The following PDE8A variants were observed in gnomAD, a reference collection of about 807,000 sequenced individuals.
The protein encoded by PDE8A is phosphodiesterase 8A, also known as high affinity cAMP-specific and IBMX-insensitive 3',5'-cyclic phosphodiesterase 8A.
In PDE8A, 59 loss-of-function variants were observed where a neutral mutation model predicts 105.0. That is an observed-to-expected ratio of 0.56 (90% CI 0.46 to 0.70). The LOEUF (loss-of-function observed/expected upper bound fraction) is 0.70, where lower values mean the gene tolerates loss of function less well. PDE8A is among the 30% of genes least tolerant of loss of function. The probability of loss-of-function intolerance (pLI) is 0.00; values close to 1 mark genes in which losing one functional copy is unlikely to be tolerated. For missense variants in PDE8A, 1,014 were observed against 1,045.9 expected, an observed-to-expected ratio of 0.97 and a Z score of 0.42; for synonymous variants, 355 against 371.9, an observed-to-expected ratio of 0.95 and a Z score of 0.52.
intron 20 of PDE8A, among the ~76,000 whole-genome samples, chr15:85,131,123 A>T (rs2082324693): frequency 1.3e-5 from 2 of 152,136 alleles, no homozygotes; most frequent in Admixed American, 6.6e-5. Flanking sequence ...TCTCTTGGAT[A>T]TTATTTTCAT....
intron 17 of PDE8A, among the ~76,000 whole-genome samples, chr15:85,119,832 C>G (rs1176141978): frequency 6.6e-6 from 1 of 151,688 alleles, no homozygotes; most frequent in Non-Finnish European, 1.5e-5. Context: ...AAATGAGAAG[C>G]TTATCTGTCA....
rs138654324 is a variant in PDE8A, at chr15:85,067,060, G to T, written c.290G>T (p.Cys97Phe). The change falls in exon 3 of 22, where the codon TGC becomes TTC. Residue 97 changes from cysteine to phenylalanine, a missense_variant. By Grantham distance (205) the Cys-to-Phe change is radical (BLOSUM62 -2). Transcript: ENST00000394553. Reference protein sequence around the residue: ...TKEDNQCNGFCRACEKAGFKC... With the variant: ...TKEDNQCNGFFRACEKAGFKC... ...GAAGATAACCAATGTAATGGATTCTGCAGGGCATGTGAAAAAGCAGGGTTT... is the reference window on the plus strand; with the variant it reads ...GAAGATAACCAATGTAATGGATTCTTCAGGGCATGTGAAAAAGCAGGGTTT... 1.8e-5 allele frequency: 29 copies of T among 1,613,376 alleles called. No individual in the cohort carries two copies. The African/African-American group carries it at 3.5e-4, about 19-fold the overall frequency.
intron 6 of PDE8A, among the ~76,000 whole-genome samples, chr15:85,085,752 A>C (rs1044120055): frequency 1.3e-5 from 2 of 151,178 alleles, no homozygotes; most frequent in African/African-American, 4.9e-5. Flanking sequence ...TCACGCCTGT[A>C]ATCTCTGCAC....
chr15:85,043,099 T>TGC (rs2080835612), intron 1 of PDE8A, among the ~76,000 whole-genome samples: 1 of 124,682 alleles, frequency 8.0e-6, no homozygotes, highest in African/African-American at 3.0e-5. Flanking sequence ...AGGCTCTCTG[T>TGC]CTGAATATAC....
At chr15:85,122,788 C>T (rs2082201802) in intron 18 of PDE8A, among the ~76,000 whole-genome samples, 1 of 152,158 alleles carries the variant, frequency 6.6e-6, no homozygotes, top group South Asian at 2.1e-4. Flanking sequence ...TCTTTCTAAC[C>T]ACAGATTTCT....
intron 1 of PDE8A, among the ~76,000 whole-genome samples, chr15:85,035,910 T>A (rs2080698757): frequency 6.6e-6 from 1 of 152,216 alleles, no homozygotes; most frequent in Non-Finnish European, 1.5e-5. Flanking sequence ...TGTGCATATG[T>A]AACAGACAAT....
Position 85,123,147 on chromosome 15 carries a change from T to G in PDE8A, c.2039T>G (p.Phe680Cys). The G allele has an allele frequency of 6.2e-7, 1 of 1,614,006 alleles. No homozygotes were observed. Among genetic ancestry groups the G allele is most frequent in the Non-Finnish European group, 8.5e-7 (1 of 1,179,960 alleles). ...MTKHFEHVNK[F>C]VNSINKPLAT... ...AAGCACTTTGAGCATGTCAACAAAT[T>G]TGTCAACAGCATCAACAAACCCTTG... is the stretch of plus-strand genomic sequence containing the variant. The change falls in exon 19 of 22, where the codon TTT becomes TGT. Residue 680 changes from phenylalanine to cysteine, a missense_variant. Transcript: ENST00000394553.
At chr15:85,030,541 T>A (rs2080597063) in intron 1 of PDE8A, among the ~76,000 whole-genome samples, 1 of 152,316 alleles carries the variant, frequency 6.6e-6, no homozygotes, top group South Asian at 2.1e-4. Flanking sequence ...GGCACTTAAG[T>A]GCTTGCCTGG....
chr15:85,099,814 A>G (rs1486136107), intron 9 of PDE8A: 4 of 531,170 alleles, frequency 7.5e-6, no homozygotes, highest in Non-Finnish European at 1.3e-5. Context: ...TTTTTACTGA[A>G]GTCACTTGTA....
chr15:85,065,907 C>T (rs1460564995), intron 2 of PDE8A, among the ~76,000 whole-genome samples: 3 of 152,252 alleles, frequency 2.0e-5, no homozygotes, highest in Non-Finnish European at 4.4e-5. Context: ...CAGCCAGCCA[C>T]TGTCCTGGGC....
intron 8 of PDE8A, among the ~76,000 whole-genome samples, chr15:85,094,628 C>T (rs977718242): frequency 7.9e-5 from 12 of 152,218 alleles, no homozygotes; most frequent in African/African-American, 2.9e-4. Context: ...CATGGACCTA[C>T]CTCACAGTTG....
At chr15:84,995,930 T>G (rs1236164746) in intron 1 of PDE8A, among the ~76,000 whole-genome samples, 37 of 152,214 alleles carry the variant, frequency 2.4e-4, no homozygotes, top group Non-Finnish European at 2.2e-4. Flanking sequence ...ATTGGTATTT[T>G]AGTTTAAACT....
intron 1 of PDE8A, among the ~76,000 whole-genome samples, chr15:85,036,271 T>C (rs1330755971): frequency 2.0e-5 from 3 of 152,176 alleles, no homozygotes; most frequent in Non-Finnish European, 4.4e-5. Context: ...TACTCTATTC[T>C]ACATCAATTC....
intron 5 of PDE8A, among the ~76,000 whole-genome samples, chr15:85,078,673 T>C (rs970919883): frequency 2.6e-5 from 4 of 151,828 alleles, no homozygotes; most frequent in African/African-American, 9.7e-5. Context: ...ATTGAGAGAA[T>C]TTGTAACTAG....
intron 1 of PDE8A, among the ~76,000 whole-genome samples, chr15:85,047,968 A>G (rs989310001): frequency 1.3e-4 from 20 of 152,150 alleles, no homozygotes; most frequent in Admixed American, 9.8e-4. Context: ...GATTTTCTCA[A>G]ACTTAATGAT....
At chr15:85,112,485 G>C (rs918220881) in intron 12 of PDE8A, among the ~76,000 whole-genome samples, 1 of 152,162 alleles carries the variant, frequency 6.6e-6, no homozygotes, top group African/African-American at 2.4e-5. Flanking sequence ...TAATGACCTT[G>C]TTGGGTAAAA....
In PDE8A at chr15:85,104,904, TTCA is replaced by T. The variant is rs2081925229; in HGVS notation, c.1037-4144_1037-4142del. On this transcript the variant is annotated intron_variant, in intron 11 of 21. Coordinates refer to ENST00000394553, the MANE Select transcript of PDE8A (RefSeq NM_002605.3). Reference sequence around the variant, plus strand: ...CTGAGGAGCAGGATGAATTCATTCATTCATCATTCATCCAAACTCAGTGCAGTT... The same window carrying T: ...CTGAGGAGCAGGATGAATTCATTCATTCATTCATCCAAACTCAGTGCAGTT... 7.9e-5 allele frequency among the ~76,000 whole-genome samples: 12 copies of T among 152,252 alleles called. No homozygotes were observed. The South Asian group carries it at 2.3e-3, about 29-fold the overall frequency.
rs531236733 is a variant in PDE8A at position 85,035,913 on chromosome 15, C to T, written c.187-28457C>T. Among the ~76,000 whole-genome samples the T allele has an allele frequency of 2.0e-5, 3 of 152,294 alleles. No individual in the cohort carries two copies. In the South Asian group the frequency reaches 6.2e-4, roughly 32 times the overall value. On this transcript the variant is annotated intron_variant, in intron 1 of 21. Transcript: ENST00000394553. ...TCATGGAAATAGTGTGCATATGTAACAGACAATAATAGCACACATGGAGAT... is the reference window on the plus strand; with the variant it reads ...TCATGGAAATAGTGTGCATATGTAATAGACAATAATAGCACACATGGAGAT...
At chr15:85,042,847 TCA>T (rs770873328) in intron 1 of PDE8A, among the ~76,000 whole-genome samples, 1 of 152,194 alleles carries the variant, frequency 6.6e-6, no homozygotes, top group East Asian at 1.9e-4. Context: ...GTGAAGAAAC[TCA>T]CAGTTTTTCA....
Sources: allele counts gnomAD v4.1 joint callset (sites outside exome capture counted in the v4.1 genomes callset), GRCh38; gene constraint gnomAD v4.1.1; transcripts MANE v1.5; gene names NCBI Gene and HGNC (gene_info 2026-07-23, HGNC 2026-07-21).